Variants in SLC7A14 observed in about 807,000 individuals in gnomAD.
SLC7A14 encodes gamma-aminobutyric acid transporter SLC7A14.
SLC7A14 carries 37 observed loss-of-function variants against 60.2 expected under a neutral mutation model. The observed-to-expected ratio is 0.61, with a 90% confidence interval of 0.47 to 0.81. The LOEUF (loss-of-function observed/expected upper bound fraction) is 0.81, where lower values mean the gene tolerates loss of function less well. SLC7A14 is among the 30% of genes least tolerant of loss of function. The pLI is 0.00. For missense variants in SLC7A14, 886 were observed against 982.7 expected (o/e 0.90, Z 1.32); for synonymous variants, 399 against 395.8 (o/e 1.01, Z -0.10).
chr3:170,528,929 G>A (rs201699701), intron 1 of SLC7A14, among the ~76,000 whole-genome samples: 1 of 152,300 alleles, frequency 6.6e-6, no homozygotes, highest in East Asian at 1.9e-4. Context: ...AGCATATAAG[G>A]AACACCTGTT....
At chr3:170,514,566 A>T (rs1713091440) in intron 2 of SLC7A14, among the ~76,000 whole-genome samples, 1 of 152,228 alleles carries the variant, frequency 6.6e-6, no homozygotes, top group Admixed American at 6.5e-5. Flanking sequence ...GCCTATTAAC[A>T]ATGTGTTTTA....
Position 170,459,965 on chromosome 3 carries a change from C to T in SLC7A14, c.*7090G>A, listed in dbSNP as rs1739561664. 1 of 151,968 alleles carries T rather than the reference C, an allele frequency of 6.6e-6. No homozygotes were observed. Among genetic ancestry groups the T allele is most frequent in the Non-Finnish European group, 1.5e-5 (1 of 68,000 alleles). 9.4% of individuals were successfully genotyped at this position (151,968 alleles called of 1,614,324 possible). A position where few individuals can be genotyped will look rare whatever the true frequency, so the allele number is the denominator to read the frequency against. On this transcript the variant is annotated 3_prime_UTR_variant, in exon 8 of 8. Coordinates refer to ENST00000231706, the MANE Select transcript of SLC7A14 (RefSeq NM_020949.3). ...ACATTTTGTTAAATTTAGAATTTTC[C>T]CTTAGTATCTTGATAAATCAATATA...
Position 170,501,343 on chromosome 3 carries a change from C to A in SLC7A14, c.307G>T (p.Val103Phe). ...CGAACTCCAAACTCTGCATAGCAGA[C>A]GCCTGCAAGGGACAGACATACACAG... ...IAAVASILSG[V>F]CYAEFGVRVP... The change falls in exon 3 of 8, where the codon GTC becomes TTC. Residue 103 changes from valine (V) to phenylalanine (F), a missense_variant and splice_region_variant. By Grantham distance (50) the Val-to-Phe change is conservative. Coordinates refer to ENST00000231706, the MANE Select transcript of SLC7A14 (RefSeq NM_020949.3). 1.9e-6 allele frequency: 3 copies of A among 1,613,472 alleles called. No individual in the cohort carries two copies. Among genetic ancestry groups the A allele is most frequent in the Non-Finnish European group, 2.5e-6 (3 of 1,179,430 alleles).
At chr3:170,570,073 A>G (rs1327824527) in intron 1 of SLC7A14, 2 of 152,136 alleles carry the variant, frequency 1.3e-5, no homozygotes, top group South Asian at 4.2e-4. Context: ...CTAATGACTG[A>G]TCTCCTCTTG....
intron 1 of SLC7A14, among the ~76,000 whole-genome samples, chr3:170,543,494 A>G (rs552506648): frequency 6.6e-6 from 1 of 151,886 alleles, no homozygotes; most frequent in East Asian, 2.0e-4. Flanking sequence ...TACTAAAAAT[A>G]CAAAATTAGC....
chr3:170,510,417 T>G (rs373804269), intron 2 of SLC7A14, among the ~76,000 whole-genome samples: 1 of 141,306 alleles, frequency 7.1e-6, no homozygotes, highest in East Asian at 2.0e-4. Flanking sequence ...AATAAATAAA[T>G]AAATAAAGAA....
intron 1 of SLC7A14, among the ~76,000 whole-genome samples, chr3:170,538,942 A>G (rs181013965): frequency 1.2e-4 from 19 of 152,346 alleles, no homozygotes; most frequent in African/African-American, 4.3e-4. Context: ...AATGTGTGTT[A>G]ACCACTGGAG....
At chr3:170,489,798 T>C (rs1260584680) in intron 4 of SLC7A14, among the ~76,000 whole-genome samples, 4 of 152,162 alleles carry the variant, frequency 2.6e-5, no homozygotes, top group Non-Finnish European at 5.9e-5. Context: ...ACAACATGGA[T>C]GGAACTGAAG....
intron 7 of SLC7A14, among the ~76,000 whole-genome samples, chr3:170,478,837 C>A (rs1370440423): frequency 1.3e-5 from 2 of 152,146 alleles, no homozygotes; most frequent in East Asian, 3.9e-4. Context: ...CTAAGAGTCT[C>A]TGTGGGCTGG....
intron 4 of SLC7A14, among the ~76,000 whole-genome samples, chr3:170,497,087 C>CAAAAAAAAAAAAAAAAAAAAAAA (rs548290941): frequency 3.2e-5 from 3 of 94,312 alleles, no homozygotes; most frequent in South Asian, 4.0e-4. Context: ...TTATTTTGTC[C>CAAAAAAAAAAAAAAAAAAAAAAA]AAAAAAAAAA....
At chr3:170,573,712 T>C in intron 1 of SLC7A14, among the ~76,000 whole-genome samples, 1 of 152,224 alleles carries the variant, frequency 6.6e-6, no homozygotes, top group Non-Finnish European at 1.5e-5. Context: ...GACCCTGTTT[T>C]TGAAGGACAC....
chr3:170,553,554 T>C (rs1453226227), intron 1 of SLC7A14, among the ~76,000 whole-genome samples: 1 of 152,230 alleles, frequency 6.6e-6, no homozygotes, highest in Non-Finnish European at 1.5e-5. Flanking sequence ...GCAAAGCTTT[T>C]TTGTCCAAAA....
intron 4 of SLC7A14, chr3:170,495,854 G>C (rs1712374844): frequency 1.7e-6 from 2 of 1,187,830 alleles, no homozygotes; most frequent in Non-Finnish European, 2.5e-6. Context: ...ACGTATTTGA[G>C]AGCTACATGA....
At chr3:170,468,006 C>CAG (rs1739770466) in intron 7 of SLC7A14, among the ~76,000 whole-genome samples, 1 of 152,212 alleles carries the variant, frequency 6.6e-6, no homozygotes, top group African/African-American at 2.4e-5. Flanking sequence ...TGTGTGCTCT[C>CAG]AGAGTGTCTA....
chr3:170,537,116 T>C (rs1488878015), intron 1 of SLC7A14, among the ~76,000 whole-genome samples: 2 of 152,196 alleles, frequency 1.3e-5, no homozygotes, highest in African/African-American at 2.4e-5. Flanking sequence ...CTGTAACAAA[T>C]GGCTACAAAT....
At chr3:170,569,636 G>C (rs1301902605) in intron 1 of SLC7A14, among the ~76,000 whole-genome samples, 1 of 152,112 alleles carries the variant, frequency 6.6e-6, no homozygotes, top group Non-Finnish European at 1.5e-5. Context: ...AATCCATCTG[G>C]TCCTGGTCTC....
intron 7 of SLC7A14, among the ~76,000 whole-genome samples, chr3:170,475,085 T>C (rs777579207): frequency 2.6e-5 from 4 of 152,260 alleles, no homozygotes; most frequent in Non-Finnish European, 4.4e-5. Flanking sequence ...AAGGCTGCTT[T>C]GTGCTCACTT....
intron 4 of SLC7A14, among the ~76,000 whole-genome samples, chr3:170,491,849 A>G (rs753606086): frequency 2.0e-5 from 3 of 152,198 alleles, no homozygotes; most frequent in Non-Finnish European, 4.4e-5. Context: ...GGTGGAGAAT[A>G]GGTCTGGGGA....
chr3:170,486,033 C>T (rs1231460386), intron 5 of SLC7A14, among the ~76,000 whole-genome samples, 189 bp downstream of exon 5: 1 of 152,150 alleles, frequency 6.6e-6, no homozygotes, highest in Non-Finnish European at 1.5e-5. Flanking sequence ...AAGTGAAGTC[C>T]TGGGGCTTCT....
Sources: gnomAD v4.1 joint callset for allele counts (sites outside exome capture counted in the v4.1 genomes callset) on GRCh38, gnomAD v4.1.1 for gene constraint, MANE v1.5 for transcripts, NCBI Gene and HGNC (gene_info 2026-07-23, HGNC 2026-07-21) for gene names.